Variants in CCDC85C observed in about 807,000 individuals in gnomAD.
The protein encoded by CCDC85C is coiled-coil domain containing 85C.
In CCDC85C, 18 loss-of-function variants were observed where a neutral mutation model predicts 38.3. The ratio of observed to expected loss-of-function variants is 0.47; its 90% CI spans 0.33 to 0.70. The LOEUF (loss-of-function observed/expected upper bound fraction) is 0.70, where lower values mean the gene tolerates loss of function less well. Ranked by LOEUF, CCDC85C falls within the 30% of genes least tolerant of loss-of-function variation. The pLI, the probability that CCDC85C is intolerant of heterozygous loss-of-function variation, is 0.03. For synonymous variants in CCDC85C, 264 were observed against 293.8 expected (o/e 0.90, Z 1.04); for missense variants, 566 against 621.2 (o/e 0.91, Z 0.94).
In CCDC85C at chr14:99,518,957, G is replaced by A. The variant is rs752125169; in HGVS notation, c.976-1774C>T. Among the ~76,000 whole-genome samples the A allele has an allele frequency of 6.6e-5, 10 of 152,190 alleles. No homozygotes were observed. In the East Asian group the frequency reaches 1.9e-3, roughly 30 times the overall value. The stretch of plus-strand genomic sequence containing the variant: ...TCCAGGGCATTCCCGGGGTGCAGGG[G>A]CCCCCACCTGTACTAGAACTCAGCC... On this transcript the variant is annotated intron_variant, in intron 3 of 5. Coordinates refer to ENST00000380243, the MANE Select transcript of CCDC85C (RefSeq NM_001144995.2).
chr14:99,552,280 C>A (rs751917760), intron 1 of CCDC85C, among the ~76,000 whole-genome samples: 1 of 152,244 alleles, frequency 6.6e-6, no homozygotes, highest in Non-Finnish European at 1.5e-5. Flanking sequence ...TCCTGCCCTA[C>A]GGCCCAAGCA....
At position 99,544,492 on chromosome 14, in the gene CCDC85C, GT is replaced by G. The variant is rs1191270563; in HGVS notation, c.794-8405del. Among the ~76,000 whole-genome samples the G allele has an allele frequency of 7.4e-5, 10 of 134,738 alleles. No individual in the cohort carries two copies. The highest frequency in any genetic ancestry group is 3.7e-3 in the Middle Eastern group (1 of 268). The allele number at this position is 134,738 out of a possible 152,430, so 88.4% of individuals were successfully genotyped here. ...AAAACAGGGCTAAAATTTGAAGGGT[GT>G]GTGTGTGTGTGTGTGTGTGTGTGTC... On this transcript the variant is annotated intron_variant, in intron 1 of 5. Transcript: ENST00000380243. The surrounding 1 kb of genome is among the most constrained non-coding windows in gnomAD (Gnocchi z 5.3).
chr14:99,562,120 G>A (rs558473628), intron 1 of CCDC85C, among the ~76,000 whole-genome samples: 16 of 152,248 alleles, frequency 1.1e-4, no homozygotes, highest in East Asian at 7.8e-4. Context: ...CATGGCCCAC[G>A]TCTTCTGGGA....
At chr14:99,568,445 C>T (rs1010609779) in intron 1 of CCDC85C, among the ~76,000 whole-genome samples, 2 of 151,994 alleles carry the variant, frequency 1.3e-5, no homozygotes, top group South Asian at 2.1e-4. Flanking sequence ...AACCTCTGTC[C>T]GAGGCAGCTC....
In CCDC85C at chr14:99,501,244, T is replaced by C; in HGVS notation, c.*14002A>G. 1 of 729,350 alleles carries C rather than the reference T, an allele frequency of 1.4e-6. No individual in the cohort carries two copies. The allele number at this position is 729,350 out of a possible 1,614,324, so 45.2% of individuals were successfully genotyped here. On this transcript the variant is annotated 3_prime_UTR_variant, in exon 6 of 6. Coordinates refer to ENST00000380243, the MANE Select transcript of CCDC85C (RefSeq NM_001144995.2). ...ATCCTTGTTTCCCACGCAAAAGCTC[T>C]TTGCTGTGTATTTGAGTGGTGCTGA...
In CCDC85C at chr14:99,503,910, T is replaced by A. The variant is rs1435655004; in HGVS notation, c.*11336A>T. 2.1e-6 allele frequency: 1 copy of A among 480,978 alleles called. No individual in the cohort carries two copies. The highest frequency in any genetic ancestry group is 3.8e-5 in the Admixed American group (1 of 26,260). 29.8% of individuals were successfully genotyped at this position (480,978 alleles called of 1,614,324 possible). Reference sequence around the variant, plus strand: ...ACATATATAAAAGTATAATTATGGCTGTAGGAGAACTGTTGCTGCAATTTT... The same window carrying A: ...ACATATATAAAAGTATAATTATGGCAGTAGGAGAACTGTTGCTGCAATTTT... On this transcript the variant is annotated 3_prime_UTR_variant, in exon 6 of 6. Coordinates refer to ENST00000380243, the MANE Select transcript of CCDC85C (RefSeq NM_001144995.2).
intron 1 of CCDC85C, among the ~76,000 whole-genome samples, chr14:99,536,294 C>A (rs1897598308): frequency 6.6e-6 from 1 of 152,186 alleles, no homozygotes. Context: ...GGCCATAGGG[C>A]ACCTGACACC....
intron 1 of CCDC85C, among the ~76,000 whole-genome samples, chr14:99,561,037 G>A (rs1035446549): frequency 6.6e-6 from 1 of 152,180 alleles, no homozygotes; most frequent in Admixed American, 6.5e-5. Flanking sequence ...CACAGGGCAG[G>A]GCTGCATTTG....
Position 99,548,696 on chromosome 14 carries a change from C to T in CCDC85C, c.794-12608G>A, listed in dbSNP as rs1489338596. The stretch of plus-strand genomic sequence containing the variant: ...AAGAGCCAGGCAGAGGGGCACACTC[C>T]TATAGTCCCAGGTACTCGGGAGACC... On this transcript the variant is annotated intron_variant, in intron 1 of 5. Transcript: ENST00000380243. This position sits in a 1 kb window ranked among gnomAD's most constrained non-coding sequence, Gnocchi z 4.9. Among the ~76,000 whole-genome samples the T allele has an allele frequency of 3.3e-5, 5 of 152,106 alleles. No individual in the cohort carries two copies. The East Asian group carries it at 9.6e-4, about 29-fold the overall frequency.
chr14:99,593,045 G>A (rs1391820664), intron 1 of CCDC85C, among the ~76,000 whole-genome samples: 1 of 152,224 alleles, frequency 6.6e-6, no homozygotes, highest in South Asian at 2.1e-4. Context: ...GGGAAACAGA[G>A]CCTTGGCATG....
Position 99,510,428 on chromosome 14 carries a change from C to T in CCDC85C, c.*4818G>A, listed in dbSNP as rs756167527. On this transcript the variant is annotated 3_prime_UTR_variant, in exon 6 of 6. Coordinates refer to ENST00000380243, the MANE Select transcript of CCDC85C (RefSeq NM_001144995.2). ...GACCCTCCTACGGTGCCCTGCCCCC[C>T]GCCTACGGCCCACCTGCACACCTGC... 4.4e-5 allele frequency: 68 copies of T among 1,547,702 alleles called. No individual in the cohort carries two copies. The highest frequency in any genetic ancestry group is 1.2e-4 in the South Asian group (10 of 83,964).
At chr14:99,551,209 G>A (rs913714780) in intron 1 of CCDC85C, among the ~76,000 whole-genome samples, 1 of 152,210 alleles carries the variant, frequency 6.6e-6, no homozygotes, top group Non-Finnish European at 1.5e-5. Context: ...GGGTCACAGC[G>A]TACACGGAGC....
At position 99,548,818 on chromosome 14, in the gene CCDC85C, C is replaced by CA. The variant is rs958056076; in HGVS notation, c.794-12731dup. Reference sequence around the variant, plus strand: ...AAACTAAAAGCAAAAAAACCCAAAACAAAAACAAAACAAAAAGATGAACCA... The same window carrying CA: ...AAACTAAAAGCAAAAAAACCCAAAACAAAAAACAAAACAAAAAGATGAACCA... On this transcript the variant is annotated intron_variant, in intron 1 of 5. Coordinates refer to ENST00000380243, the MANE Select transcript of CCDC85C (RefSeq NM_001144995.2). The surrounding 1 kb of genome is among the most constrained non-coding windows in gnomAD (Gnocchi z 4.9). Among the ~76,000 whole-genome samples, 4 of 152,058 alleles carry CA rather than the reference C, an allele frequency of 2.6e-5. No homozygotes were observed. The highest frequency in any genetic ancestry group is 6.6e-5 in the Admixed American group (1 of 15,264).
At chr14:99,581,353 C>T (rs2054966808) in intron 1 of CCDC85C, among the ~76,000 whole-genome samples, 1 of 152,342 alleles carries the variant, frequency 6.6e-6, no homozygotes, top group African/African-American at 2.4e-5. Context: ...TGCTGGACCC[C>T]GCCTGCAAAG....
Position 99,603,800 on chromosome 14 carries a change from G to A in CCDC85C, c.160C>T (p.Arg54Cys). Residue 54 changes from arginine (R) to cysteine (C), a missense_variant, in exon 1 of 6, where the codon CGC becomes TGC. By Grantham distance (180) the Arg-to-Cys change is radical (BLOSUM62 -3). Around this residue, in one of 3 missense-constraint regions of CCDC85C, gnomAD observed 269 missense variants for 308.2 expected, o/e 0.87. Transcript: ENST00000380243. This position sits in a 1 kb window ranked among gnomAD's most constrained non-coding sequence, Gnocchi z 7.5. Reference sequence around the variant, plus strand: ...TGCTGCAGCCGCCGGTTCACGTCGCGCATCAGGCCGCCGTGCTCCAGCATG... The same window carrying A: ...TGCTGCAGCCGCCGGTTCACGTCGCACATCAGGCCGCCGTGCTCCAGCATG... ...GLMLEHGGLM[R>C]DVNRRLQQHL... 2.0e-6 allele frequency: 3 copies of A among 1,524,760 alleles called. No homozygotes were observed. The highest frequency in any genetic ancestry group is 1.4e-5 in the African/African-American group (1 of 71,614). 94.5% of individuals were successfully genotyped at this position (1,524,760 alleles called of 1,614,324 possible). A position where few individuals can be genotyped will look rare whatever the true frequency, so the allele number is the denominator to read the frequency against.
Position 99,516,423 on chromosome 14 carries a change from G to A in CCDC85C, c.1072-137C>T, listed in dbSNP as rs1301973593. On this transcript the variant is annotated intron_variant, in intron 4 of 5. Transcript: ENST00000380243. This position sits in a 1 kb window ranked among gnomAD's most constrained non-coding sequence, Gnocchi z 5.5. The stretch of plus-strand genomic sequence containing the variant: ...TGAGCCGCTGGGCCCCTGGGGACAA[G>A]CGTGGAAAAAACTGAGGGGCAGGTT... The A allele has an allele frequency of 1.9e-5, 12 of 643,942 alleles. No homozygotes were observed. Among genetic ancestry groups the A allele is most frequent in the African/African-American group, 3.6e-5 (2 of 54,804 alleles). 39.9% of individuals were successfully genotyped at this position (643,942 alleles called of 1,614,324 possible).
At chr14:99,529,002 T>C (rs1423070405) in intron 2 of CCDC85C, among the ~76,000 whole-genome samples, 1 of 151,432 alleles carries the variant, frequency 6.6e-6, no homozygotes, top group Non-Finnish European at 1.5e-5. Flanking sequence ...AAACAAAAGT[T>C]GATAGGGAAA....
chr14:99,564,526 C>T (rs768470095), intron 1 of CCDC85C, among the ~76,000 whole-genome samples: 4 of 152,328 alleles, frequency 2.6e-5, no homozygotes, highest in East Asian at 1.9e-4. Flanking sequence ...CTGTCCTGGG[C>T]GCCAGCACCT....
chr14:99,502,520 T>TA lies in CCDC85C; in HGVS notation c.*12725dup, dbSNP rs1447029225. 1.5e-6 allele frequency: 2 copies of TA among 1,351,216 alleles called. No homozygotes were observed. The highest frequency in any genetic ancestry group is 2.9e-5 in the African/African-American group (2 of 67,844). The allele number at this position is 1,351,216 out of a possible 1,614,324, so 83.7% of individuals were successfully genotyped here. A position where few individuals can be genotyped will look rare whatever the true frequency, so the allele number is the denominator to read the frequency against. Reference sequence around the variant, plus strand: ...AAGCATCATTAATTAAATTATCTAATAGTTTCCACTTTGTCCAAACACATA... The same window carrying TA: ...AAGCATCATTAATTAAATTATCTAATAAGTTTCCACTTTGTCCAAACACATA... On this transcript the variant is annotated 3_prime_UTR_variant, in exon 6 of 6. Coordinates refer to ENST00000380243, the MANE Select transcript of CCDC85C (RefSeq NM_001144995.2).
Sources: gnomAD v4.1 joint callset for allele counts (sites outside exome capture counted in the v4.1 genomes callset) on GRCh38, gnomAD v4.1.1 for gene constraint, gnomAD v4.1.1 regional missense constraint, Gnocchi (gnomAD v3.1) non-coding constraint, MANE v1.5 for transcripts, NCBI Gene and HGNC (gene_info 2026-07-23, HGNC 2026-07-21) for gene names.